LPCAT1: variants seen among roughly 807,000 people sequenced by gnomAD.
LPCAT1 encodes the protein lysophosphatidylcholine acyltransferase 1.
A neutral mutation model predicts 60.9 loss-of-function variants in LPCAT1; 23 were observed. The observed-to-expected ratio is 0.38, with a 90% CI of 0.27 to 0.53. The LOEUF (loss-of-function observed/expected upper bound fraction) is 0.53, where lower values mean the gene tolerates loss of function less well. LPCAT1 is among the 20% of genes least tolerant of loss of function. The probability of loss-of-function intolerance (pLI) is 0.82; values close to 1 mark genes in which losing one functional copy is unlikely to be tolerated. For missense variants in LPCAT1, 622 were observed against 723.6 expected, an observed-to-expected ratio of 0.86 and a Z score of 1.61; for synonymous variants, 340 against 301.1, an observed-to-expected ratio of 1.13 and a Z score of -1.34.
chr5:1,473,579 T>C (rs906409884), intron 11 of LPCAT1, among the ~76,000 whole-genome samples: 1 of 152,288 alleles, frequency 6.6e-6, no homozygotes, highest in African/African-American at 2.4e-5. Context: ...AAGCCGATCA[T>C]AGAGGACGGG....
chr5:1,518,878 C>T (rs115168571), intron 1 of LPCAT1, among the ~76,000 whole-genome samples: 1 of 152,240 alleles, frequency 6.6e-6, no homozygotes, highest in Non-Finnish European at 1.5e-5. Flanking sequence ...GTGAAGGAGG[C>T]GCCCTGGGTG....
rs758572285 is a variant in LPCAT1, at chr5:1,488,414, G to A, written c.644C>T (p.Thr215Ile). The change falls in exon 5 of 14, where the codon ACC (threonine) becomes ATC (isoleucine). Residue 215 changes from threonine (T) to isoleucine (I), a missense_variant. By Grantham distance (89) the Thr-to-Ile change is moderately conservative. Transcript: ENST00000283415. ...IFPEGTCTNR[T>I]CLITFKPGAF... ...ACCAGGTTTGAAGGTAATTAGGCAG[G>A]TCCTGTTTGTACAAGTTCCTTCTGG... The A allele has an allele frequency of 1.9e-6, 3 of 1,600,428 alleles. No individual in the cohort carries two copies. The highest frequency in any genetic ancestry group is 1.3e-5 in the African/African-American group (1 of 74,316).
rs976753685 is a variant in LPCAT1 at position 1,502,152 on chromosome 5, T to C, written c.136-549A>G. On this transcript the variant is annotated intron_variant, in intron 1 of 13. Coordinates refer to ENST00000283415, the MANE Select transcript of LPCAT1 (RefSeq NM_024830.5). The surrounding 1 kb of genome is among the most constrained non-coding windows in gnomAD (Gnocchi z 5.5). ...TTACTGGAGCTGCCATGCGAGTGGC[T>C]TGGGAAAGACACAGTGGAGCTTCCT... 6.6e-6 allele frequency among the ~76,000 whole-genome samples: 1 copy of C among 152,138 alleles called. No homozygotes were observed. The highest frequency in any genetic ancestry group is 2.4e-5 in the African/African-American group (1 of 41,438).
intron 1 of LPCAT1, among the ~76,000 whole-genome samples, chr5:1,504,389 ACT>A (rs1459560357): frequency 3.3e-5 from 5 of 152,328 alleles, no homozygotes; most frequent in Non-Finnish European, 5.9e-5. Flanking sequence ...GGAAGAGGCC[ACT>A]CTGCAGTGCA....
At position 1,523,819 on chromosome 5, in the gene LPCAT1, C is replaced by T; in HGVS notation, c.26G>A (p.Arg9Gln). Residue 9 changes from arginine to glutamine, a missense_variant, in exon 1 of 14, where the codon CGG (arginine) becomes CAG (glutamine). By Grantham distance (43) the Arg-to-Gln change is conservative. Coordinates refer to ENST00000283415, the MANE Select transcript of LPCAT1 (RefSeq NM_024830.5). The surrounding 1 kb of genome is among the most constrained non-coding windows in gnomAD (Gnocchi z 7.1). ...CCCTGCGCTGGAGGCAGGGGCGGCC[C>T]GGGGTCCGCATCCCCGCAGCCTCAT... MRLRGCGP[R>Q]AAPASSAGAS... 1 of 1,086,766 alleles carries T rather than the reference C, an allele frequency of 9.2e-7. No homozygotes were observed. The highest frequency in any genetic ancestry group is 1.7e-5 in the African/African-American group (1 of 59,068). The allele number at this position is 1,086,766 out of a possible 1,614,324, so 67.3% of individuals were successfully genotyped here.
chr5:1,470,147 G>A (rs1734606715), intron 12 of LPCAT1, among the ~76,000 whole-genome samples: 1 of 152,258 alleles, frequency 6.6e-6, no homozygotes, highest in African/African-American at 2.4e-5. Context: ...CACCCTGTGA[G>A]AAGCCTTGGT....
rs115919484 is a variant in LPCAT1 at position 1,466,721 on chromosome 5, G to A, written c.1420+28C>T. On this transcript the variant is annotated intron_variant, in intron 13 of 13. Transcript: ENST00000283415. ...TGTCCAGCCCCCGCCCAAGGGTCGC[G>A]AGGACGACCCCACTCCTGCGGGCTC... is the stretch of plus-strand genomic sequence containing the variant. 5,856 of 1,591,246 alleles carry A rather than the reference G, an allele frequency of 3.7e-3. 22 individuals are homozygous for A. Among genetic ancestry groups the A allele is most frequent in the African/African-American group, 0.016 (1,198 of 74,276 alleles).
At chr5:1,515,943 G>T (rs1362971566) in intron 1 of LPCAT1, among the ~76,000 whole-genome samples, 1 of 152,274 alleles carries the variant, frequency 6.6e-6, no homozygotes, top group African/African-American at 2.4e-5. Context: ...CGTCTGTGAG[G>T]CAAGGCTGAC....
intron 13 of LPCAT1, among the ~76,000 whole-genome samples, chr5:1,465,959 G>C (rs573253558): frequency 6.6e-6 from 1 of 152,358 alleles, no homozygotes. Context: ...TGAAACCAGT[G>C]CGCACATCCG....
intron 1 of LPCAT1, among the ~76,000 whole-genome samples, chr5:1,520,917 GC>G (rs1365716885): frequency 2.1e-5 from 3 of 146,212 alleles, no homozygotes; most frequent in Non-Finnish European, 4.5e-5. Context: ...TGGGGAAAAC[GC>G]ATCAGAACCA....
At position 1,470,896 on chromosome 5, in the gene LPCAT1, T is replaced by G. The variant is rs775958276; in HGVS notation, c.1208A>C (p.Glu403Ala). 2 of 1,613,096 alleles carry G rather than the reference T, an allele frequency of 1.2e-6. No individual in the cohort carries two copies. The highest frequency in any genetic ancestry group is 1.7e-6 in the Non-Finnish European group (2 of 1,179,932). The change falls in exon 12 of 14, where the codon GAG becomes GCG. Residue 403 changes from glutamate to alanine, a missense_variant. Glu to Ala is a moderately radical substitution (Grantham distance 107). Transcript: ENST00000283415. ...GACGACAGACAGGGCAACCACACAC[T>G]CTCGCAGGTCCACCTCGCCGCTGCC... ...ESGSGEVDLRECVVALSVVCR... is the reference protein window; with the variant it reads ...ESGSGEVDLRACVVALSVVCR...
At chr5:1,490,497 C>T (rs1170678906) in intron 3 of LPCAT1, among the ~76,000 whole-genome samples, 13 of 152,358 alleles carry the variant, frequency 8.5e-5, no homozygotes, top group African/African-American at 2.9e-4. Context: ...GCCCCCACCA[C>T]GAGCCGGGAG....
At position 1,470,996 on chromosome 5, in the gene LPCAT1, G is replaced by T; in HGVS notation, c.1180-72C>A. On this transcript the variant is annotated intron_variant, in intron 11 of 13. Coordinates refer to ENST00000283415, the MANE Select transcript of LPCAT1 (RefSeq NM_024830.5). ...TGGAGAAACGCCAGGGTTTCCCATG[G>T]GTGCTGGTGTTAATTAAAGGCCAGT... 4 of 1,216,086 alleles carry T rather than the reference G, an allele frequency of 3.3e-6. No individual in the cohort carries two copies. The South Asian group carries it at 3.9e-5, about 12-fold the overall frequency. The allele number at this position is 1,216,086 out of a possible 1,614,324, so 75.3% of individuals were successfully genotyped here.
chr5:1,498,994 G>C (rs2962036), intron 2 of LPCAT1, among the ~76,000 whole-genome samples: 35,782 of 152,192 alleles, frequency 0.24, 6,702 homozygotes, highest in African/African-American at 0.52. Flanking sequence ...CACAGACCCA[G>C]ATGCCCAAAG....
In LPCAT1 at chr5:1,521,473, T is replaced by G. The variant is rs989925491; in HGVS notation, c.135+2237A>C. On this transcript the variant is annotated intron_variant, in intron 1 of 13. Transcript: ENST00000283415. This position sits in a 1 kb window ranked among gnomAD's most constrained non-coding sequence, Gnocchi z 4.3. ...GCTTGAAAGACAGGCTATTTCACTC[T>G]GTGGAAACTTTACAAGAATATATCA... is the stretch of plus-strand genomic sequence containing the variant. 13 of 985,330 alleles carry G rather than the reference T, an allele frequency of 1.3e-5. No individual in the cohort carries two copies. Among genetic ancestry groups the G allele is most frequent in the Non-Finnish European group, 1.6e-5 (13 of 829,910 alleles). The allele number at this position is 985,330 out of a possible 1,614,324, so 61.0% of individuals were successfully genotyped here.
In LPCAT1 at chr5:1,521,367, C is replaced by T. The variant is rs1736672666; in HGVS notation, c.135+2343G>A. 4.1e-6 allele frequency: 4 copies of T among 985,454 alleles called. No individual in the cohort carries two copies. In the South Asian group the frequency reaches 1.4e-4, roughly 35 times the overall value. 61.0% of individuals were successfully genotyped at this position (985,454 alleles called of 1,614,324 possible). ...CTCACTGGTTTATCTCAACTGGGAACTTAGCTGGGTTTCTGCGGGTTCTTG... is the reference window on the plus strand; with the variant it reads ...CTCACTGGTTTATCTCAACTGGGAATTTAGCTGGGTTTCTGCGGGTTCTTG... On this transcript the variant is annotated intron_variant, in intron 1 of 13. Transcript: ENST00000283415. The surrounding 1 kb of genome is among the most constrained non-coding windows in gnomAD (Gnocchi z 4.3).
Position 1,494,816 on chromosome 5 carries a change from T to C in LPCAT1, c.377A>G (p.Glu126Gly). The change falls in exon 3 of 14, where the codon GAG (glutamate) becomes GGG (glycine). Residue 126 changes from glutamate (E) to glycine (G), a missense_variant. By Grantham distance (98) the Glu-to-Gly change is moderately conservative (BLOSUM62 -2). Transcript: ENST00000283415. Reference sequence around the variant, plus strand: ...AGGCGCGAGCGTGAGGATGGCCGCCTCGGTGGGCAGCGCCTGCCGCCCCTT... The same window carrying C: ...AGGCGCGAGCGTGAGGATGGCCGCCCCGGTGGGCAGCGCCTGCCGCCCCTT... ...AVKGRQALPT[E>G]AAILTLAPHS... The C allele has an allele frequency of 1.9e-6, 3 of 1,613,776 alleles. No individual in the cohort carries two copies. The highest frequency in any genetic ancestry group is 2.5e-6 in the Non-Finnish European group (3 of 1,179,970).
chr5:1,483,706 C>T lies in LPCAT1; in HGVS notation c.668-220G>A, dbSNP rs150043043. On this transcript the variant is annotated intron_variant, in intron 5 of 13. Transcript: ENST00000283415. The surrounding 1 kb of genome is among the most constrained non-coding windows in gnomAD (Gnocchi z 9.2). The stretch of plus-strand genomic sequence containing the variant: ...AGGAACATCGGCCAGGGGCGCTCCC[C>T]GGCCAAGGAACACTTTCTGTTTTAA... 6.9e-3 allele frequency among the ~76,000 whole-genome samples: 1,044 copies of T among 152,380 alleles called. 7 individuals carry two copies. Among genetic ancestry groups the T allele is most frequent in the African/African-American group, 7.6e-3 (317 of 41,594 alleles).
At position 1,488,473 on chromosome 5, in the gene LPCAT1, G is replaced by C. The variant is rs776544354; in HGVS notation, c.607-22C>G. On this transcript the variant is annotated intron_variant, in intron 4 of 13. Transcript: ENST00000283415. ...TTATCTGGAAGTGGGAGAAAGAAAA[G>C]GATCAGCATTAAACTGTACATAATT... The C allele has an allele frequency of 5.9e-6, 9 of 1,523,220 alleles. No homozygotes were observed. The South Asian group carries it at 7.0e-5, about 12-fold the overall frequency. The allele number at this position is 1,523,220 out of a possible 1,614,324, so 94.4% of individuals were successfully genotyped here. A position where few individuals can be genotyped will look rare whatever the true frequency, so the allele number is the denominator to read the frequency against.
Sources: gnomAD v4.1 joint callset for allele counts (sites outside exome capture counted in the v4.1 genomes callset) on GRCh38, gnomAD v4.1.1 for gene constraint, Gnocchi (gnomAD v3.1) non-coding constraint, MANE v1.5 for transcripts, NCBI Gene and HGNC (gene_info 2026-07-23, HGNC 2026-07-21) for gene names.